The following CFAP96 variants were observed in gnomAD, a reference collection of about 807,000 sequenced individuals.
CFAP96 encodes cilia-and flagella-associated protein 96.
the CFAP96 span, among the ~76,000 whole-genome samples, chr4:185,424,879 T>C: frequency 1.6e-3 from 248 of 152,340 alleles, 1 homozygote; most frequent in African/African-American, 5.6e-3. Flanking sequence ...CAAGACATCA[T>C]TCATAAAAGC....
the CFAP96 span, among the ~76,000 whole-genome samples, chr4:185,436,764 TG>T: frequency 1.4e-5 from 2 of 140,896 alleles, no homozygotes; most frequent in African/African-American, 5.1e-5. Flanking sequence ...GATCTAATTT[TG>T]TTTTGTTCTA....
At chr4:185,438,147 T>C in the CFAP96 span, among the ~76,000 whole-genome samples, 2 of 152,124 alleles carry the variant, frequency 1.3e-5, no homozygotes, top group Admixed American at 1.3e-4. Context: ...TTTGGAATAT[T>C]TCCAGTTATT....
At chr4:185,418,704 G>T in the CFAP96 span, 19 of 1,613,772 alleles carry the variant, frequency 1.2e-5, no homozygotes, top group Middle Eastern at 1.6e-4. Flanking sequence ...GAACACAAGG[G>T]CGTTTGAAGA....
the CFAP96 span, chr4:185,415,781 TC>T: frequency 6.2e-7 from 1 of 1,613,734 alleles, no homozygotes; most frequent in Non-Finnish European, 8.5e-7. Flanking sequence ...CATAATGGTG[TC>T]CTCCGCTTTC....
chr4:185,436,242 T>C, the CFAP96 span: 1 of 1,542,510 alleles, frequency 6.5e-7, no homozygotes, highest in Non-Finnish European at 8.8e-7. Flanking sequence ...AAAATTAAAT[T>C]TCTGAATTCT....
At chr4:185,443,000 T>C in the CFAP96 span, among the ~76,000 whole-genome samples, 1 of 152,116 alleles carries the variant, frequency 6.6e-6, no homozygotes, top group Non-Finnish European at 1.5e-5. Context: ...TGTATATGCC[T>C]TGTTCTATTT....
At chr4:185,431,993 G>T in the CFAP96 span, 1 of 1,550,998 alleles carries the variant, frequency 6.4e-7, no homozygotes, top group Admixed American at 2.0e-5. Flanking sequence ...ACCCTTTAAT[G>T]AGGCTGCAAG....
At chr4:185,419,420 G>A in the CFAP96 span, among the ~76,000 whole-genome samples, 3 of 152,232 alleles carry the variant, frequency 2.0e-5, no homozygotes, top group Middle Eastern at 3.4e-3. Context: ...ATGAGCCACC[G>A]CGCCTGGCCC....
the CFAP96 span, among the ~76,000 whole-genome samples, chr4:185,432,629 G>T: frequency 2.0e-5 from 3 of 152,178 alleles, no homozygotes; most frequent in African/African-American, 7.2e-5. Context: ...TTTGGAGGCC[G>T]AGCTAGGAGG....
At chr4:185,430,895 CAAAAAA>C in the CFAP96 span, among the ~76,000 whole-genome samples, 2 of 127,302 alleles carry the variant, frequency 1.6e-5, no homozygotes, top group Non-Finnish European at 3.3e-5. Flanking sequence ...GAGACCTTGT[CAAAAAA>C]AAAAAAGTTT....
chr4:185,415,716 C>T, the CFAP96 span: 1 of 1,606,912 alleles, frequency 6.2e-7, no homozygotes, highest in South Asian at 1.1e-5. Flanking sequence ...TTACTTTCCC[C>T]ATGTTTCTTC....
chr4:185,411,799 C>T, the CFAP96 span, among the ~76,000 whole-genome samples: 1 of 152,186 alleles, frequency 6.6e-6, no homozygotes, highest in Admixed American at 6.5e-5. Context: ...AGATAATTAA[C>T]TATGGTTAGA....
the CFAP96 span, among the ~76,000 whole-genome samples, chr4:185,417,334 T>G: frequency 6.6e-6 from 1 of 152,190 alleles, no homozygotes; most frequent in African/African-American, 2.4e-5. Context: ...CAGCCCACAA[T>G]TATTTTATGC....
the CFAP96 span, among the ~76,000 whole-genome samples, chr4:185,428,199 A>G: frequency 8.5e-5 from 13 of 152,172 alleles, no homozygotes; most frequent in Non-Finnish European, 1.5e-4. Flanking sequence ...TGGTGCTTTA[A>G]AAACTTTAGA....
the CFAP96 span, chr4:185,422,512 A>T: frequency 6.2e-7 from 1 of 1,611,622 alleles, no homozygotes; most frequent in South Asian, 1.1e-5. Context: ...TGAAAAGCCA[A>T]ATCAAGGCCT....
At chr4:185,414,101 GA>G in the CFAP96 span, among the ~76,000 whole-genome samples, 1 of 152,034 alleles carries the variant, frequency 6.6e-6, no homozygotes, top group African/African-American at 2.4e-5. Context: ...AGGGAACAGA[GA>G]AAAATGAATA....
chr4:185,418,453 C>T, the CFAP96 span: 1 of 1,608,472 alleles, frequency 6.2e-7, no homozygotes, highest in South Asian at 1.1e-5. Context: ...TGTCTGATAA[C>T]TTTTTGTCCT....
chr4:185,411,000 T>C, the CFAP96 span, among the ~76,000 whole-genome samples: 1 of 148,502 alleles, frequency 6.7e-6, no homozygotes, highest in Admixed American at 6.7e-5. Flanking sequence ...CATGTCCAAC[T>C]TAAGAAGTTA....
chr4:185,447,795 T>C, the CFAP96 span, among the ~76,000 whole-genome samples: 1 of 152,222 alleles, frequency 6.6e-6, no homozygotes, highest in Non-Finnish European at 1.5e-5. Context: ...ACTCTAATAC[T>C]ACTTTGACAG....
Sources: gnomAD v4.1 joint callset for allele counts (sites outside exome capture counted in the v4.1 genomes callset) on GRCh38, gnomAD v4.1.1 for gene constraint, MANE v1.5 for transcripts, NCBI Gene and HGNC (gene_info 2026-07-23, HGNC 2026-07-21) for gene names.